SHTN1: variants seen among roughly 807,000 people sequenced by gnomAD.
SHTN1 encodes the protein shootin-1.
Under a neutral mutation model 83.1 loss-of-function variants are expected in SHTN1, and 42 were observed. That is an observed-to-expected ratio of 0.51 (90% CI 0.39 to 0.65). The LOEUF is 0.65. SHTN1 is among the 30% of genes least tolerant of loss of function. The probability of loss-of-function intolerance (pLI) is 0.00; values close to 1 mark genes in which losing one functional copy is unlikely to be tolerated. For missense variants in SHTN1, 622 were observed against 737.8 expected (o/e 0.84, Z 1.82); for synonymous variants, 224 against 247.7 (o/e 0.90, Z 0.90).
At chr10:116,921,551 C>T (rs760707010) in intron 11 of SHTN1, 35 bp from the exon 12 acceptor site, 18 of 1,498,672 alleles carry the variant, frequency 1.2e-5, no homozygotes, top group Admixed American at 1.7e-5. Context: ...CAGGAGATTA[C>T]TGGATGCCTA....
intron 13 of SHTN1, among the ~76,000 whole-genome samples, chr10:116,912,510 G>C (rs1848237986): frequency 1.3e-5 from 2 of 152,228 alleles, no homozygotes; most frequent in Non-Finnish European, 2.9e-5. Flanking sequence ...TAGTATTTGA[G>C]TTAGGTGTCT....
rs202178773 is a variant in SHTN1 at position 116,929,889 on chromosome 10, A to G, written c.972T>C (p.Tyr324=). 2.5e-6 allele frequency: 4 copies of G among 1,609,896 alleles called. No individual in the cohort carries two copies. The highest frequency in any genetic ancestry group is 1.1e-5 in the South Asian group (1 of 90,092). The change falls in exon 10 of 17, where the codon TAT becomes TAC. Residue 324 remains tyrosine (Y), a synonymous_variant. Coordinates refer to ENST00000355371, the MANE Select transcript of SHTN1 (RefSeq NM_001127211.3). The stretch of plus-strand genomic sequence containing the variant: ...TTCTGGCTTTCTCTTCAGAATTCTG[A>G]TATTTCAATTCCAATTCCTTTTTAT... ...EEDKKELELK[Y]QNSEEKARNL...
intron 16 of SHTN1, 91 bp from the exon 17 acceptor site, chr10:116,886,657 CA>C: frequency 5.8e-6 from 9 of 1,541,632 alleles, no homozygotes; most frequent in Non-Finnish European, 7.9e-6. Context: ...ACATAAAACC[CA>C]AAATGTTCTA....
At chr10:117,121,536 G>A (rs1053520667) in intron 1 of SHTN1, among the ~76,000 whole-genome samples, 1 of 151,578 alleles carries the variant, frequency 6.6e-6, no homozygotes, top group Non-Finnish European at 1.5e-5. Flanking sequence ...CTGAGATCAT[G>A]CCACTATACT....
intron 16 of SHTN1, among the ~76,000 whole-genome samples, chr10:116,899,407 A>T (rs1847639129): frequency 6.6e-6 from 1 of 152,068 alleles, no homozygotes; most frequent in East Asian, 1.9e-4. Context: ...TGCAGCTCTT[A>T]GAGAAGACCA....
At chr10:116,967,103 T>C (rs1458995207) in intron 3 of SHTN1, among the ~76,000 whole-genome samples, 1 of 152,200 alleles carries the variant, frequency 6.6e-6, no homozygotes, top group Admixed American at 6.5e-5. Context: ...ATCAACTCTT[T>C]ATAAATAATC....
chr10:116,911,753 C>T lies in SHTN1; in HGVS notation c.1359+37G>A, dbSNP rs1283822411. On this transcript the variant is annotated intron_variant, in intron 14 of 16. Transcript: ENST00000355371. ...TTTTAAAATACTCTCCTTTCATTTC[C>T]CCATTAGCTAAACAATAAACTGAAA... is the stretch of plus-strand genomic sequence containing the variant. 3 of 1,583,954 alleles carry T rather than the reference C, an allele frequency of 1.9e-6. No individual in the cohort carries two copies. The South Asian group carries it at 3.3e-5, about 18-fold the overall frequency.
intron 2 of SHTN1, among the ~76,000 whole-genome samples, chr10:116,971,571 C>T (rs1290509878): frequency 6.6e-6 from 1 of 152,044 alleles, no homozygotes; most frequent in Non-Finnish European, 1.5e-5. Flanking sequence ...TCTGGATTTC[C>T]CCACCACCCC....
chr10:116,979,508 A>G (rs2052853859), intron 1 of SHTN1, among the ~76,000 whole-genome samples, 200 bp from the exon 2 acceptor site: 1 of 152,172 alleles, frequency 6.6e-6, no homozygotes, highest in South Asian at 2.1e-4. Flanking sequence ...GCTGGTCTCA[A>G]AACTCCTGGG....
At chr10:116,965,785 C>CT (rs1181098401) in intron 3 of SHTN1, among the ~76,000 whole-genome samples, 1 of 152,220 alleles carries the variant, frequency 6.6e-6, no homozygotes, top group South Asian at 2.1e-4. Context: ...TACAGATTAT[C>CT]TTTTTTCACC....
chr10:116,946,584 TA>T (rs1351945391), intron 7 of SHTN1, among the ~76,000 whole-genome samples: 1,587 of 119,426 alleles, frequency 0.013, 26 homozygotes, highest in African/African-American at 0.047. Flanking sequence ...TAAAATGATT[TA>T]TATATAAATA....
chr10:117,115,299 A>G (rs1853830488), intron 1 of SHTN1, among the ~76,000 whole-genome samples: 1 of 151,988 alleles, frequency 6.6e-6, no homozygotes, highest in Non-Finnish European at 1.5e-5. Flanking sequence ...GAAAAATAAC[A>G]CCTGCCTTGC....
chr10:116,892,248 T>G (rs1473921944), intron 16 of SHTN1, among the ~76,000 whole-genome samples: 2 of 152,194 alleles, frequency 1.3e-5, no homozygotes, highest in Non-Finnish European at 2.9e-5. Context: ...TAGTGCAGGC[T>G]GGACTGCACA....
At chr10:116,911,645 A>G in intron 14 of SHTN1, 145 bp downstream of exon 14, 2 of 1,561,954 alleles carry the variant, frequency 1.3e-6, no homozygotes, top group African/African-American at 1.4e-5. Context: ...GCAGTCTGTA[A>G]GCACGATCAA....
chr10:117,005,065 G>A lies in SHTN1; in HGVS notation c.15C>T (p.Asp5=). Residue 5 remains aspartate (D), a synonymous_variant, in exon 1 of 17, where the codon GAC becomes GAT. Transcript: ENST00000355371. The stretch of plus-strand genomic sequence containing the variant: ...TAATGAGCTGCAGCTGCTTCTCTTC[G>A]TCCGAGCTGTTCATTTTGGCGGGTG... MNSS[D]EEKQLQLITS... 2 of 1,598,396 alleles carry A rather than the reference G, an allele frequency of 1.3e-6. No homozygotes were observed. The highest frequency in any genetic ancestry group is 1.7e-6 in the Non-Finnish European group (2 of 1,172,778).
At chr10:116,979,129 G>T in intron 2 of SHTN1, 127 bp downstream of exon 2, 1 of 752,980 alleles carries the variant, frequency 1.3e-6, no homozygotes, top group Non-Finnish European at 2.2e-6. Flanking sequence ...CAAGAGAAAA[G>T]GGAAGAAAAG....
chr10:117,078,403 C>T (rs1468532304), intron 1 of SHTN1, among the ~76,000 whole-genome samples: 1 of 152,174 alleles, frequency 6.6e-6, no homozygotes, highest in South Asian at 2.1e-4. Flanking sequence ...TTGTGGCCAC[C>T]GCTGGTGACT....
chr10:116,970,398 G>A (rs772654736), intron 2 of SHTN1, among the ~76,000 whole-genome samples: 5 of 152,100 alleles, frequency 3.3e-5, no homozygotes, highest in African/African-American at 4.8e-5. Flanking sequence ...GAATAAAGCC[G>A]TATGTATCAA....
At chr10:116,938,189 T>A (rs1473272124) in intron 9 of SHTN1, among the ~76,000 whole-genome samples, 1 of 152,070 alleles carries the variant, frequency 6.6e-6, no homozygotes, top group Non-Finnish European at 1.5e-5. Flanking sequence ...TCATTCTTTG[T>A]CCAGTTTTGC....
Sources: gnomAD v4.1 joint callset for allele counts (sites outside exome capture counted in the v4.1 genomes callset) on GRCh38, gnomAD v4.1.1 for gene constraint, MANE v1.5 for transcripts, NCBI Gene and HGNC (gene_info 2026-07-23, HGNC 2026-07-21) for gene names.